Variants in FER1L6 observed in about 807,000 individuals in gnomAD.
The protein encoded by FER1L6 is fer-1-like protein 6.
FER1L6 carries 177 observed loss-of-function variants against 219.2 expected under a neutral mutation model. The observed-to-expected ratio is 0.81, with a 90% CI of 0.71 to 0.91. The LOEUF (loss-of-function observed/expected upper bound fraction) is 0.91, where lower values mean the gene tolerates loss of function less well. Ranked by LOEUF, FER1L6 falls within the 40% of genes least tolerant of loss-of-function variation. The pLI is 0.00. For synonymous variants in FER1L6, 768 were observed against 824.3 expected, an observed-to-expected ratio of 0.93 and a Z score of 1.17; for missense variants, 2,153 against 2,259.9, an observed-to-expected ratio of 0.95 and a Z score of 0.96.
chr8:123,908,428 AT>A (rs2129759467), intron 1 of FER1L6, among the ~76,000 whole-genome samples: 2 of 152,348 alleles, frequency 1.3e-5, no homozygotes, highest in African/African-American at 4.8e-5. Context: ...AAGAGCTTGC[AT>A]TTTTAAGTCA....
At chr8:124,089,759 CA>C (rs1261297535) in intron 33 of FER1L6, among the ~76,000 whole-genome samples, 1 of 152,192 alleles carries the variant, frequency 6.6e-6, no homozygotes, top group Non-Finnish European at 1.5e-5. Flanking sequence ...TGTAGTATTT[CA>C]TTTTCAATAT....
chr8:124,007,467 A>G (rs139983995), intron 13 of FER1L6, among the ~76,000 whole-genome samples: 1 of 152,192 alleles, frequency 6.6e-6, no homozygotes, highest in Non-Finnish European at 1.5e-5. Context: ...GTCATTAGGC[A>G]GGGAACTTCT....
chr8:123,859,986 T>A (rs1325546001), intron 1 of FER1L6, among the ~76,000 whole-genome samples: 1 of 146,782 alleles, frequency 6.8e-6, no homozygotes, highest in Non-Finnish European at 1.5e-5. Flanking sequence ...TTATTATTAT[T>A]TTTTTAATTA....
chr8:123,854,835 A>G (rs142969040), intron 1 of FER1L6, among the ~76,000 whole-genome samples: 5 of 152,286 alleles, frequency 3.3e-5, no homozygotes, highest in African/African-American at 1.2e-4. Context: ...GCTTCCTGGC[A>G]CTGCGTTTAT....
At chr8:124,038,070 A>G (rs996193786) in intron 19 of FER1L6, among the ~76,000 whole-genome samples, 2 of 152,154 alleles carry the variant, frequency 1.3e-5, no homozygotes, top group Non-Finnish European at 2.9e-5. Context: ...TGCCTCGTTC[A>G]GGCCTCCTAG....
chr8:124,049,610 A>T lies in FER1L6; in HGVS notation c.2728A>T (p.Lys910Ter), dbSNP rs947838524. The T allele has an allele frequency of 5.0e-6, 8 of 1,613,742 alleles. No individual in the cohort carries two copies. Among genetic ancestry groups the T allele is most frequent in the Non-Finnish European group, 6.8e-6 (8 of 1,179,946 alleles). Residue 910 changes from lysine (K) to a stop codon, truncating the protein, a stop_gained, in exon 22 of 41, where the codon AAG (lysine) becomes TAG (stop). Transcript: ENST00000522917. LOFTEE classifies it high-confidence loss of function. ...ACTCATTTCTTTTCTTCTTTAGGGGAAGCCAGAATATTTGGGTGCCACAGT... is the reference window on the plus strand; with the variant it reads ...ACTCATTTCTTTTCTTCTTTAGGGGTAGCCAGAATATTTGGGTGCCACAGT... ...VELYDSDAVG[K>*]PEYLGATVAA...
In FER1L6 at chr8:124,034,159, A is replaced by G. The variant is rs537226929; in HGVS notation, c.2287-1118A>G. On this transcript the variant is annotated intron_variant, in intron 18 of 40. Transcript: ENST00000522917. Reference sequence around the variant, plus strand: ...GAAAGGAAGTGATGTTAAAAAAAAAAAAGAAGAAGAAGAAGAAAATTACTG... The same window carrying G: ...GAAAGGAAGTGATGTTAAAAAAAAAGAAGAAGAAGAAGAAGAAAATTACTG... Among the ~76,000 whole-genome samples the G allele has an allele frequency of 6.5e-4, 97 of 150,278 alleles. 1 individual carries two copies. The highest frequency in any genetic ancestry group is 3.4e-3 in the Middle Eastern group (1 of 290).
chr8:123,934,533 A>G (rs1287902866), intron 1 of FER1L6, among the ~76,000 whole-genome samples: 1 of 147,832 alleles, frequency 6.8e-6, no homozygotes, highest in African/African-American at 2.5e-5. Flanking sequence ...TTCAGGTTGA[A>G]TTTTTTTTTT....
At chr8:123,948,440 A>T (rs539062398) in intron 1 of FER1L6, among the ~76,000 whole-genome samples, 1 of 152,358 alleles carries the variant, frequency 6.6e-6, no homozygotes, top group South Asian at 2.1e-4. Context: ...AAATTGGGGA[A>T]GTTTGACCTC....
intron 1 of FER1L6, among the ~76,000 whole-genome samples, chr8:123,940,498 T>C (rs950273742): frequency 1.3e-5 from 2 of 152,036 alleles, no homozygotes; most frequent in African/African-American, 4.8e-5. Context: ...CCACCAAGCC[T>C]GGCTAATTTT....
intron 12 of FER1L6, among the ~76,000 whole-genome samples, chr8:123,992,193 TC>T (rs1340783070): frequency 2.6e-5 from 4 of 152,190 alleles, no homozygotes; most frequent in Non-Finnish European, 5.9e-5. Flanking sequence ...GGTTTTGGAA[TC>T]AGGGTGATAT....
At chr8:124,052,645 C>T (rs971235296) in intron 22 of FER1L6, among the ~76,000 whole-genome samples, 1 of 151,922 alleles carries the variant, frequency 6.6e-6, no homozygotes, top group Non-Finnish European at 1.5e-5. Context: ...AGTAGCCAGG[C>T]GTGGTGGCGC....
Position 123,920,997 on chromosome 8 carries a change from G to A in FER1L6, c.-7-34995G>A, listed in dbSNP as rs111392596. Among the ~76,000 whole-genome samples, 104 of 152,148 alleles carry A rather than the reference G, an allele frequency of 6.8e-4. 1 individual carries two copies. Among genetic ancestry groups the A allele is most frequent in the African/African-American group, 2.4e-3 (99 of 41,492 alleles). On this transcript the variant is annotated intron_variant, in intron 1 of 40. Transcript: ENST00000522917. ...ATTCACTTAACATAATGTCCTCAAG[G>A]TTCATCCATGTTGTGGCATGTGACA...
Position 124,069,351 on chromosome 8 carries a change from T to C in FER1L6, c.3719-9T>C, listed in dbSNP as rs374202889. 34 of 1,599,770 alleles carry C rather than the reference T, an allele frequency of 2.1e-5. No homozygotes were observed. Among genetic ancestry groups the C allele is most frequent in the Non-Finnish European group, 2.7e-5 (32 of 1,168,954 alleles). The stretch of plus-strand genomic sequence containing the variant: ...CATGAGAAACCTAATTTCTGCTGAA[T>C]ATCCACAGAGGCAAAGCCAGATGAG... On this transcript the variant is annotated splice_polypyrimidine_tract_variant and intron_variant, in intron 28 of 40. Transcript: ENST00000522917.
intron 1 of FER1L6, among the ~76,000 whole-genome samples, chr8:123,946,167 G>T (rs977108858): frequency 8.5e-5 from 13 of 152,208 alleles, no homozygotes; most frequent in Non-Finnish European, 1.6e-4. Context: ...CCAATGAATA[G>T]ATTTATGACC....
chr8:124,119,991 A>G lies in FER1L6; in HGVS notation c.*201A>G. ...GTTTCAAACTTGTAAGGCATGTTTTATCCCTTGGGCAGCATGAAATAAGGC... is the reference window on the plus strand; with the variant it reads ...GTTTCAAACTTGTAAGGCATGTTTTGTCCCTTGGGCAGCATGAAATAAGGC... On this transcript the variant is annotated 3_prime_UTR_variant, in exon 41 of 41. Coordinates refer to ENST00000522917, the MANE Select transcript of FER1L6 (RefSeq NM_001039112.2). 1 of 515,158 alleles carries G rather than the reference A, an allele frequency of 1.9e-6. No homozygotes were observed. The highest frequency in any genetic ancestry group is 3.3e-6 in the Non-Finnish European group (1 of 301,820). The allele number at this position is 515,158 out of a possible 1,614,324, so 31.9% of individuals were successfully genotyped here.
chr8:124,052,243 T>C (rs1236019631), intron 22 of FER1L6, among the ~76,000 whole-genome samples: 3 of 152,124 alleles, frequency 2.0e-5, no homozygotes, highest in Admixed American at 2.0e-4. Context: ...CATTAAATAG[T>C]GTTGGATTGA....
intron 11 of FER1L6, 104 bp downstream of exon 11, chr8:123,980,915 T>A: frequency 9.8e-7 from 1 of 1,016,890 alleles, no homozygotes; most frequent in Non-Finnish European, 1.4e-6. Context: ...TATGTCTTAT[T>A]CCCTCTGAAA....
chr8:124,015,607 A>ATATATATATATATG lies in FER1L6; in HGVS notation c.1923-2012_1923-2011insATATGTATATATAT, dbSNP rs71289634. ...TATATATATATATATATATATATAT[A>ATATATATATATATG]TATATATATTACTCCTGCTGTGAGC... On this transcript the variant is annotated intron_variant, in intron 15 of 40. Transcript: ENST00000522917. Among the ~76,000 whole-genome samples the ATATATATATATATG allele has an allele frequency of 8.3e-3, 738 of 88,548 alleles. 43 individuals carry two copies. The highest frequency in any genetic ancestry group is 0.011 in the Non-Finnish European group (502 of 44,442). 58.1% of individuals were successfully genotyped at this position (88,548 alleles called of 152,430 possible). A position where few individuals can be genotyped will look rare whatever the true frequency, so the allele number is the denominator to read the frequency against.
Sources: gnomAD v4.1 joint callset for allele counts (sites outside exome capture counted in the v4.1 genomes callset) on GRCh38, gnomAD v4.1.1 for gene constraint, MANE v1.5 for transcripts, NCBI Gene and HGNC (gene_info 2026-07-23, HGNC 2026-07-21) for gene names.